Variants in TTLL9 observed in about 807,000 individuals in gnomAD.
TTLL9 encodes tubulin tyrosine ligase like 9, also known as probable tubulin polyglutamylase TTLL9.
Under a neutral mutation model 65.6 loss-of-function variants are expected in TTLL9, and 47 were observed. That is an observed-to-expected ratio of 0.72 (90% CI 0.57 to 0.91). TTLL9 has a LOEUF of 0.91. Ranked by LOEUF, TTLL9 falls within the 40% of genes least tolerant of loss-of-function variation. TTLL9 has a pLI of 0.00. For missense variants in TTLL9, 537 were observed against 568.8 expected, an observed-to-expected ratio of 0.94 and a Z score of 0.57; for synonymous variants, 179 against 204.8, an observed-to-expected ratio of 0.87 and a Z score of 1.07.
At chr20:31,895,715 G>A (rs2063374419) in intron 3 of TTLL9, among the ~76,000 whole-genome samples, 1 of 147,362 alleles carries the variant, frequency 6.8e-6, no homozygotes, top group Non-Finnish European at 1.5e-5. Context: ...AGCTGGGAAA[G>A]GCAAGGAAAC....
intron 9 of TTLL9, 127 bp downstream of exon 9, chr20:31,925,176 C>A: frequency 1.0e-6 from 1 of 967,378 alleles, no homozygotes; most frequent in Non-Finnish European, 1.6e-6. Context: ...CCTGGGAGAT[C>A]CCCGAGGGAC....
At chr20:31,935,828 A>C (rs1382493386) in intron 12 of TTLL9, among the ~76,000 whole-genome samples, 1 of 152,198 alleles carries the variant, frequency 6.6e-6, no homozygotes, top group Non-Finnish European at 1.5e-5. Flanking sequence ...TGAGACCCCT[A>C]AACAATTGCC....
intron 10 of TTLL9, among the ~76,000 whole-genome samples, chr20:31,930,080 A>G (rs1295649723): frequency 6.6e-6 from 1 of 152,154 alleles, no homozygotes; most frequent in Non-Finnish European, 1.5e-5. Context: ...GTGAGCCAAG[A>G]TTGTGCCACT....
rs2063621201 is a variant in TTLL9, at chr20:31,909,879, A to G, written c.461A>G (p.Glu154Gly). 1.3e-6 allele frequency: 2 copies of G among 1,552,990 alleles called. No individual in the cohort carries two copies. Among genetic ancestry groups the G allele is most frequent in the Non-Finnish European group, 8.8e-7 (1 of 1,140,318 alleles). The change falls in exon 6 of 15, where the codon GAG (glutamate) becomes GGG (glycine). Residue 154 changes from glutamate to glycine, a missense_variant. This residue lies in a region of TTLL9 where 320 missense variants were observed against 311.0 expected (regional missense o/e 1.03). Coordinates refer to ENST00000535842, the MANE Select transcript of TTLL9 (RefSeq NM_001008409.5). ...CCTTGCGAGTACCACCTGTTTGTAG[A>G]GGAGTTTCGCAAAAACCCAGGAATC... is the stretch of plus-strand genomic sequence containing the variant. Reference protein sequence around the residue: ...EMPCEYHLFVEEFRKNPGITW... With the variant: ...EMPCEYHLFVGEFRKNPGITW...
intron 14 of TTLL9, chr20:31,941,176 C>T (rs979037735): frequency 6.7e-6 from 1 of 150,084 alleles, no homozygotes; most frequent in African/African-American, 2.5e-5. Flanking sequence ...GAGATTGCGC[C>T]ACTGCACTCC....
At chr20:31,892,754 G>T (rs761698974) in intron 3 of TTLL9, among the ~76,000 whole-genome samples, 6 of 152,120 alleles carry the variant, frequency 3.9e-5, no homozygotes, top group Admixed American at 6.5e-5. Context: ...ACAACCTATG[G>T]CTCTAGGGGA....
At chr20:31,925,729 A>C in intron 9 of TTLL9, 1 of 684,566 alleles carries the variant, frequency 1.5e-6, no homozygotes. Flanking sequence ...GCCTGGTGTA[A>C]AAGCAGGTGC....
At position 31,937,246 on chromosome 20, in the gene TTLL9, A is replaced by G; in HGVS notation, c.1005-150A>G. On this transcript the variant is annotated intron_variant, in intron 12 of 14. Transcript: ENST00000535842. ...CAACCTAGCAAGACCCTATCTCTAT[A>G]AAAATAATTAAAAAAAAATAGAAAG... 6 of 525,364 alleles carry G rather than the reference A, an allele frequency of 1.1e-5. No homozygotes were observed. The South Asian group carries it at 1.5e-4, about 13-fold the overall frequency. 32.5% of individuals were successfully genotyped at this position (525,364 alleles called of 1,614,324 possible).
At chr20:31,911,296 G>A (rs1418222605) in intron 6 of TTLL9, among the ~76,000 whole-genome samples, 1 of 152,198 alleles carries the variant, frequency 6.6e-6, no homozygotes, top group Non-Finnish European at 1.5e-5. Context: ...TGCCACCGTA[G>A]CCTTGAATGG....
intron 3 of TTLL9, among the ~76,000 whole-genome samples, chr20:31,894,857 C>G (rs1394057952): frequency 6.6e-6 from 1 of 152,090 alleles, no homozygotes; most frequent in Non-Finnish European, 1.5e-5. Context: ...TGGGCTGCAG[C>G]TTTAATTAAA....
At chr20:31,890,974 GT>G (rs1342199490) in intron 3 of TTLL9, among the ~76,000 whole-genome samples, 1 of 152,200 alleles carries the variant, frequency 6.6e-6, no homozygotes, top group East Asian at 1.9e-4. Context: ...ACCACCAACA[GT>G]TGTGCCACAG....
chr20:31,871,056 C>G (rs2062920370), intron 1 of TTLL9, 66 bp from the exon 2 acceptor site: 1 of 1,462,912 alleles, frequency 6.8e-7, no homozygotes, highest in Non-Finnish European at 9.6e-7. Flanking sequence ...CACTCATTCA[C>G]TCGTCCATCT....
At chr20:31,871,235 T>G (rs761093469) in intron 2 of TTLL9, 40 bp downstream of exon 2, 165 of 1,595,234 alleles carry the variant, frequency 1.0e-4, no homozygotes, top group Non-Finnish European at 1.4e-4. Flanking sequence ...GGTTCCAGTC[T>G]GAAGGAGACT....
At chr20:31,879,691 G>A (rs1018725771) in intron 2 of TTLL9, 2 of 844,710 alleles carry the variant, frequency 2.4e-6, no homozygotes, top group East Asian at 2.8e-5. Context: ...GGGGGACCTA[G>A]GCTGCCAGGA....
chr20:31,910,213 C>T (rs932513697), intron 6 of TTLL9, among the ~76,000 whole-genome samples: 1 of 152,216 alleles, frequency 6.6e-6, no homozygotes, highest in Admixed American at 6.5e-5. Context: ...TGCGTTACCC[C>T]AGTCCTCATA....
intron 3 of TTLL9, among the ~76,000 whole-genome samples, chr20:31,890,238 A>G (rs1313287715): frequency 6.9e-6 from 1 of 145,534 alleles, no homozygotes; most frequent in Non-Finnish European, 1.5e-5. Context: ...TTTCCCAGGA[A>G]CTTACCCTTT....
intron 2 of TTLL9, among the ~76,000 whole-genome samples, chr20:31,882,917 C>A (rs1049768001): frequency 3.3e-5 from 5 of 152,082 alleles, no homozygotes; most frequent in East Asian, 1.9e-4. Flanking sequence ...CACACACACA[C>A]AAAAAGGAAA....
intron 2 of TTLL9, among the ~76,000 whole-genome samples, chr20:31,874,210 T>C (rs995219534): frequency 1.3e-5 from 2 of 152,148 alleles, no homozygotes; most frequent in African/African-American, 4.8e-5. Context: ...ACAAAACCAA[T>C]AATAGGAAGA....
chr20:31,891,335 C>T (rs1024252563), intron 3 of TTLL9, among the ~76,000 whole-genome samples: 6 of 152,134 alleles, frequency 3.9e-5, no homozygotes, highest in Non-Finnish European at 8.8e-5. Context: ...TGTCATTTCT[C>T]CACATTCTTG....
Sources: gnomAD v4.1 joint callset for allele counts (sites outside exome capture counted in the v4.1 genomes callset) on GRCh38, gnomAD v4.1.1 for gene constraint, gnomAD v4.1.1 regional missense constraint, MANE v1.5 for transcripts, NCBI Gene and HGNC (gene_info 2026-07-23, HGNC 2026-07-21) for gene names.